The following RCAN2 variants were observed in gnomAD, a reference collection of about 807,000 sequenced individuals.
The protein encoded by RCAN2 is regulator of calcineurin 2, also known as calcipressin-2.
In RCAN2, 9 loss-of-function variants were observed where a neutral mutation model predicts 23.6. That is an observed-to-expected ratio of 0.38 (90% confidence interval 0.23 to 0.67). The LOEUF is 0.67. Ranked by LOEUF, RCAN2 falls within the 30% of genes least tolerant of loss-of-function variation. RCAN2 has a pLI of 0.51. For synonymous variants in RCAN2, 109 were observed against 115.7 expected (o/e 0.94, Z 0.37); for missense variants, 273 against 302.3 (o/e 0.90, Z 0.72).
intron 2 of RCAN2, among the ~76,000 whole-genome samples, chr6:46,442,423 C>T (rs6458504): frequency 0.52 from 78,841 of 152,042 alleles, 20,783 homozygotes; most frequent in East Asian, 0.6. Context: ...CAGGGCTGCA[C>T]GCAGCCCATC....
intron 2 of RCAN2, among the ~76,000 whole-genome samples, chr6:46,417,328 G>C (rs1766740220): frequency 6.6e-6 from 1 of 152,092 alleles, no homozygotes; most frequent in South Asian, 2.1e-4. Context: ...CTGTTGTTTG[G>C]ATGTGCATAT....
intron 2 of RCAN2, among the ~76,000 whole-genome samples, chr6:46,423,682 T>C (rs766669901): frequency 3.3e-5 from 5 of 152,240 alleles, no homozygotes; most frequent in Admixed American, 6.5e-5. Context: ...GTTTTTATTG[T>C]GATCTGATTA....
intron 1 of RCAN2, among the ~76,000 whole-genome samples, chr6:46,490,438 G>A (rs1339087534): frequency 6.6e-6 from 1 of 152,138 alleles, no homozygotes; most frequent in Non-Finnish European, 1.5e-5. Flanking sequence ...GAAGTACCTC[G>A]AAGAATAAAT....
intron 2 of RCAN2, among the ~76,000 whole-genome samples, chr6:46,284,308 C>T (rs779927512): frequency 7.9e-5 from 12 of 152,106 alleles, no homozygotes; most frequent in Non-Finnish European, 1.8e-4. Flanking sequence ...CACTATTCCA[C>T]TCTGTGACTC....
At chr6:46,389,324 C>A (rs144536757) in intron 2 of RCAN2, among the ~76,000 whole-genome samples, 1 of 152,120 alleles carries the variant, frequency 6.6e-6, no homozygotes, top group Non-Finnish European at 1.5e-5. Flanking sequence ...TTTCAGACTC[C>A]CCAGTTTTCT....
intron 2 of RCAN2, among the ~76,000 whole-genome samples, chr6:46,249,557 T>A (rs554513463): frequency 6.6e-6 from 1 of 152,168 alleles, no homozygotes; most frequent in Non-Finnish European, 1.5e-5. Flanking sequence ...GGACCTCAAG[T>A]GATCCACCTG....
chr6:46,354,338 A>G (rs1764757941), intron 2 of RCAN2, among the ~76,000 whole-genome samples: 1 of 151,884 alleles, frequency 6.6e-6, no homozygotes, highest in Non-Finnish European at 1.5e-5. Context: ...TAGTAGAATC[A>G]CCTGGGGAGC....
At chr6:46,389,783 G>A (rs1765875813) in intron 2 of RCAN2, among the ~76,000 whole-genome samples, 1 of 152,104 alleles carries the variant, frequency 6.6e-6, no homozygotes. Context: ...CCGTCTTTAC[G>A]GCAGCCAACA....
chr6:46,482,464 G>C (rs1413810559), intron 1 of RCAN2, among the ~76,000 whole-genome samples: 1 of 152,124 alleles, frequency 6.6e-6, no homozygotes. Context: ...TTTGGAAATG[G>C]GGCAGGAGTG....
intron 2 of RCAN2, among the ~76,000 whole-genome samples, chr6:46,346,639 T>C (rs1764490465): frequency 6.6e-6 from 1 of 152,012 alleles, no homozygotes; most frequent in Non-Finnish European, 1.5e-5. Context: ...TTTAGTAAAA[T>C]ATTTATATAG....
chr6:46,355,209 T>C (rs1385719205), intron 2 of RCAN2, among the ~76,000 whole-genome samples: 6 of 152,212 alleles, frequency 3.9e-5, no homozygotes, highest in African/African-American at 1.2e-4. Flanking sequence ...CTTCTTATAA[T>C]GAAAAGGGCT....
intron 2 of RCAN2, among the ~76,000 whole-genome samples, chr6:46,299,288 T>A (rs371358409): frequency 1.3e-5 from 2 of 151,858 alleles, no homozygotes; most frequent in South Asian, 2.1e-4. Flanking sequence ...TTTCCCAGAG[T>A]CACATCATCA....
rs552677662 is a variant in RCAN2, at chr6:46,301,505, C to A, written c.226-52609G>T. Among the ~76,000 whole-genome samples the A allele has an allele frequency of 6.6e-5, 10 of 152,212 alleles. No homozygotes were observed. In the South Asian group the frequency reaches 1.9e-3, roughly 28 times the overall value. ...CAATTTAACACATTCATTCATTCAA[C>A]AAACATCTATTAAATGTGTACTAAA... is the stretch of plus-strand genomic sequence containing the variant. On this transcript the variant is annotated intron_variant, in intron 2 of 4. Coordinates refer to ENST00000371374, the MANE Select transcript of RCAN2 (RefSeq NM_001251974.2).
intron 3 of RCAN2, among the ~76,000 whole-genome samples, chr6:46,247,307 T>C (rs897905093): frequency 2.0e-5 from 3 of 152,190 alleles, no homozygotes; most frequent in Non-Finnish European, 4.4e-5. Flanking sequence ...TCTCTCCTTC[T>C]CTCTTTTCCT....
At chr6:46,373,061 C>A (rs945780434) in intron 2 of RCAN2, among the ~76,000 whole-genome samples, 4 of 152,166 alleles carry the variant, frequency 2.6e-5, no homozygotes, top group African/African-American at 9.7e-5. Flanking sequence ...ACCAACACAT[C>A]CTAGCAGTAA....
intron 1 of RCAN2, among the ~76,000 whole-genome samples, chr6:46,486,972 C>A (rs530101361): frequency 1.3e-5 from 2 of 152,254 alleles, no homozygotes; most frequent in South Asian, 4.2e-4. Context: ...ATTAATTTAA[C>A]TTACAATATA....
At chr6:46,248,680 A>T in intron 3 of RCAN2, 43 bp downstream of exon 3, 1 of 1,463,340 alleles carries the variant, frequency 6.8e-7, no homozygotes, top group Non-Finnish European at 9.2e-7. Context: ...GGTAAAAAAT[A>T]ATGTAGGGCA....
chr6:46,447,566 C>T (rs1767751750), intron 2 of RCAN2, among the ~76,000 whole-genome samples: 1 of 151,860 alleles, frequency 6.6e-6, no homozygotes, highest in South Asian at 2.1e-4. Flanking sequence ...CAAGTGTACA[C>T]ATAATATTCT....
intron 2 of RCAN2, among the ~76,000 whole-genome samples, chr6:46,275,977 G>A (rs559279391): frequency 1.3e-5 from 2 of 152,156 alleles, no homozygotes; most frequent in South Asian, 2.1e-4. Flanking sequence ...GGAGGCCAAG[G>A]GGGGTGGATC....
Sources: gnomAD v4.1 joint callset for allele counts (sites outside exome capture counted in the v4.1 genomes callset) on GRCh38, gnomAD v4.1.1 for gene constraint, MANE v1.5 for transcripts, NCBI Gene and HGNC (gene_info 2026-07-23, HGNC 2026-07-21) for gene names.